CCDC7: variants seen among roughly 807,000 people sequenced by gnomAD.
The protein encoded by CCDC7 is coiled-coil domain-containing protein 7.
In CCDC7, 183 loss-of-function variants were observed where a neutral mutation model predicts 196.9. The observed-to-expected ratio is 0.93, with a 90% confidence interval of 0.82 to 1.05. The LOEUF (loss-of-function observed/expected upper bound fraction) is 1.05, where lower values mean the gene tolerates loss of function less well. Ranked by LOEUF, CCDC7 falls within the 50% of genes least tolerant of loss-of-function variation. The pLI, the probability that CCDC7 is intolerant of heterozygous loss-of-function variation, is 0.00. For missense variants in CCDC7, 1,540 were observed against 1,482.2 expected, an observed-to-expected ratio of 1.04 and a Z score of -0.64; for synonymous variants, 525 against 484.6, an observed-to-expected ratio of 1.08 and a Z score of -1.10.
At chr10:32,744,367 G>T (rs372717935) in intron 28 of CCDC7, among the ~76,000 whole-genome samples, 1 of 148,188 alleles carries the variant, frequency 6.7e-6, no homozygotes, top group Non-Finnish European at 1.5e-5. Context: ...ACATTTTCCT[G>T]CTGGTGAAAA....
chr10:32,727,590 G>A (rs1474236509), intron 26 of CCDC7, among the ~76,000 whole-genome samples: 1 of 152,068 alleles, frequency 6.6e-6, no homozygotes, highest in African/African-American at 2.4e-5. Context: ...CAGACCTAGA[G>A]ATTGTCTCTA....
At position 32,847,946 on chromosome 10, in the gene CCDC7, TAC is replaced by T. The variant is rs748120902; in HGVS notation, c.3772+32_3772+33del. The stretch of plus-strand genomic sequence containing the variant: ...GAATAATAATTTTAAGTCTAATATT[TAC>T]AGTTTATCTTCTCTGGGGTTTAAGT... On this transcript the variant is annotated intron_variant, in intron 38 of 41. Transcript: ENST00000639629. 5.8e-6 allele frequency: 8 copies of T among 1,385,360 alleles called. No individual in the cohort carries two copies. In the South Asian group the frequency reaches 8.4e-5, roughly 15 times the overall value. The allele number at this position is 1,385,360 out of a possible 1,614,324, so 85.8% of individuals were successfully genotyped here. A position where few individuals can be genotyped will look rare whatever the true frequency, so the allele number is the denominator to read the frequency against.
intron 8 of CCDC7, among the ~76,000 whole-genome samples, chr10:32,483,310 T>G (rs1354589773): frequency 6.6e-6 from 1 of 152,260 alleles, no homozygotes; most frequent in African/African-American, 2.4e-5. Flanking sequence ...TTGAGAAGTG[T>G]CTGTTCATAC....
intron 20 of CCDC7, among the ~76,000 whole-genome samples, chr10:32,640,868 T>TC (rs2066631976): frequency 1.5e-5 from 1 of 67,066 alleles, no homozygotes; most frequent in African/African-American, 3.2e-5. Context: ...GATTTTCTTT[T>TC]TTTTTTTCTT....
chr10:32,485,399 G>A (rs913726295), intron 8 of CCDC7, among the ~76,000 whole-genome samples: 3 of 152,000 alleles, frequency 2.0e-5, no homozygotes, highest in Middle Eastern at 3.4e-3. Context: ...TTCTTTATTA[G>A]TCTTGCTAGT....
At chr10:32,864,155 T>A (rs1003583491) in intron 41 of CCDC7, among the ~76,000 whole-genome samples, 7 of 151,824 alleles carry the variant, frequency 4.6e-5, no homozygotes, top group Admixed American at 4.6e-4. Flanking sequence ...ATGGCATCAG[T>A]AATCCTTAGG....
At chr10:32,517,861 G>GAA in intron 9 of CCDC7, 84 bp from the exon 11 acceptor site, 15 of 1,453,246 alleles carry the variant, frequency 1.0e-5, no homozygotes, top group South Asian at 2.7e-5. Context: ...AATACCAAAA[G>GAA]AAAAAAAAAG....
chr10:32,583,797 C>CAGAAAAA (rs2058967560), intron 17 of CCDC7, among the ~76,000 whole-genome samples: 2 of 151,976 alleles, frequency 1.3e-5, no homozygotes, highest in South Asian at 2.1e-4. Context: ...GATAAAAGGG[C>CAGAAAAA]TGTACATATT....
chr10:32,759,634 A>G (rs1258306098), intron 28 of CCDC7, among the ~76,000 whole-genome samples: 1 of 152,246 alleles, frequency 6.6e-6, no homozygotes, highest in Non-Finnish European at 1.5e-5. Flanking sequence ...CTAATACCAT[A>G]AAAACCCTAG....
intron 18 of CCDC7, among the ~76,000 whole-genome samples, chr10:32,608,524 T>C (rs1489178636): frequency 2.0e-5 from 3 of 152,102 alleles, no homozygotes; most frequent in Non-Finnish European, 4.4e-5. Flanking sequence ...TATGATTTTT[T>C]TTGACTTCCA....
intron 30 of CCDC7, among the ~76,000 whole-genome samples, chr10:32,806,033 A>G (rs2085766705): frequency 6.6e-6 from 1 of 152,182 alleles, no homozygotes; most frequent in Non-Finnish European, 1.5e-5. Context: ...GGATCTCACA[A>G]GAACTCATAT....
chr10:32,881,070 C>A (rs1273760763), downstream of CCDC7, among the ~76,000 whole-genome samples: 7 of 152,094 alleles, frequency 4.6e-5, no homozygotes, highest in African/African-American at 1.4e-4. Context: ...ATCCCATTTT[C>A]TTTTTCAAGA....
intron 9 of CCDC7, among the ~76,000 whole-genome samples, chr10:32,495,221 A>T (rs1245525182): frequency 6.6e-6 from 1 of 152,076 alleles, no homozygotes; most frequent in Non-Finnish European, 1.5e-5. Flanking sequence ...TTCTTCACCC[A>T]CTTTTTGATG....
At chr10:32,644,743 C>A (rs1042847354) in intron 20 of CCDC7, among the ~76,000 whole-genome samples, 1 of 152,206 alleles carries the variant, frequency 6.6e-6, no homozygotes, top group Non-Finnish European at 1.5e-5. Context: ...TCCTCATTCT[C>A]TTCTCTTGGC....
At chr10:32,644,285 A>G (rs1451025322) in intron 20 of CCDC7, among the ~76,000 whole-genome samples, 2 of 152,154 alleles carry the variant, frequency 1.3e-5, no homozygotes, top group East Asian at 3.9e-4. Context: ...GGAACAGAAC[A>G]CTAAAACTTC....
intron 25 of CCDC7, among the ~76,000 whole-genome samples, chr10:32,719,015 A>C (rs1389405984): frequency 6.6e-6 from 1 of 152,230 alleles, no homozygotes; most frequent in African/African-American, 2.4e-5. Context: ...CAGAATTGGA[A>C]AAAACTACTT....
At chr10:32,707,226 A>G (rs113907524) in intron 24 of CCDC7, among the ~76,000 whole-genome samples, 8,074 of 152,284 alleles carry the variant, frequency 0.053, 714 homozygotes, top group African/African-American at 0.18. Context: ...GAACCACATG[A>G]TTGTGTCAAT....
intron 21 of CCDC7, among the ~76,000 whole-genome samples, chr10:32,669,966 G>GC (rs2073727391): frequency 6.6e-6 from 1 of 152,106 alleles, no homozygotes; most frequent in Non-Finnish European, 1.5e-5. Context: ...TGCTTGGTGA[G>GC]CATGGAGTCA....
intron 13 of CCDC7, 117 bp from the exon 15 acceptor site, chr10:32,565,441 G>A (rs2056618127): frequency 1.9e-6 from 2 of 1,041,270 alleles, no homozygotes; most frequent in South Asian, 1.8e-5. Context: ...GCAGTTCAAT[G>A]TCTATGCTCA....
Sources: allele counts gnomAD v4.1 joint callset (sites outside exome capture counted in the v4.1 genomes callset), GRCh38; gene constraint gnomAD v4.1.1; transcripts MANE v1.5; gene names NCBI Gene and HGNC (gene_info 2026-07-23, HGNC 2026-07-21).